Variants in RANBP2 observed in about 807,000 individuals in gnomAD.
The protein encoded by RANBP2 is E3 SUMO-protein ligase RanBP2.
RANBP2 carries 57 observed loss-of-function variants against 303.6 expected under a neutral mutation model. The ratio of observed to expected loss-of-function variants is 0.19; its 90% CI spans 0.15 to 0.23. The LOEUF (loss-of-function observed/expected upper bound fraction) is 0.23. Ranked by LOEUF, RANBP2 falls within the 10% of genes least tolerant of loss-of-function variation. The pLI, the probability that RANBP2 is intolerant of heterozygous loss-of-function variation, is 1.00. For missense variants in RANBP2, 3,138 were observed against 3,780.8 expected (o/e 0.83, Z 4.46); for synonymous variants, 1,167 against 1,301.5 (o/e 0.90, Z 2.23).
chr2:109,184,386 G>A, the RANBP2 span, among the ~76,000 whole-genome samples: 3 of 152,152 alleles, frequency 2.0e-5, no homozygotes, highest in Non-Finnish European at 4.4e-5. Context: ...ATGCAGAAAG[G>A]CAGCTTTTCA....
the RANBP2 span, among the ~76,000 whole-genome samples, chr2:109,400,155 G>A: frequency 2.0e-5 from 3 of 152,158 alleles, no homozygotes; most frequent in Non-Finnish European, 4.4e-5. Context: ...AGCTTCTGGA[G>A]AAGGGCCATG....
At chr2:109,037,521 C>A in the RANBP2 span, among the ~76,000 whole-genome samples, 1 of 151,954 alleles carries the variant, frequency 6.6e-6, no homozygotes, top group African/African-American at 2.4e-5. Context: ...ATAAAACTGC[C>A]CTTATTTGTC....
the RANBP2 span, among the ~76,000 whole-genome samples, chr2:109,186,214 C>A: frequency 6.6e-6 from 1 of 152,242 alleles, no homozygotes. Flanking sequence ...GAAAAGAAGA[C>A]GAAGTGAACT....
chr2:108,940,176 C>T, the RANBP2 span: 2 of 152,248 alleles, frequency 1.3e-5, no homozygotes, highest in Non-Finnish European at 2.9e-5. Flanking sequence ...CAGGCAATGA[C>T]GTGAAGAGGC....
At chr2:109,195,436 T>G in the RANBP2 span, among the ~76,000 whole-genome samples, 9 of 152,260 alleles carry the variant, frequency 5.9e-5, no homozygotes, top group Non-Finnish European at 1.0e-4. Context: ...CACTCATGCC[T>G]GAGTGTCAAC....
At chr2:109,102,392 G>A in the RANBP2 span, among the ~76,000 whole-genome samples, 16 of 150,058 alleles carry the variant, frequency 1.1e-4, no homozygotes, top group Admixed American at 6.0e-4. Context: ...GAGCCACCGC[G>A]CCCGGCTGCC....
At chr2:109,058,305 G>A in the RANBP2 span, among the ~76,000 whole-genome samples, 2 of 152,162 alleles carry the variant, frequency 1.3e-5, no homozygotes, top group South Asian at 2.1e-4. Flanking sequence ...AGCCAGCTAC[G>A]CCTGGACTGG....
At chr2:108,743,068 C>T (rs568232141) in intron 7 of RANBP2, among the ~76,000 whole-genome samples, 152 of 152,274 alleles carry the variant, frequency 1.0e-3, no homozygotes, top group South Asian at 3.1e-3. Context: ...GCATTATAGG[C>T]GTGAGCCACC....
At chr2:109,337,391 T>A in the RANBP2 span, among the ~76,000 whole-genome samples, 1 of 152,238 alleles carries the variant, frequency 6.6e-6, no homozygotes, top group Non-Finnish European at 1.5e-5. Flanking sequence ...CATCCAAGGC[T>A]AGGTCCTCCT....
At chr2:109,373,947 GCTCTCTGTCAT>G in the RANBP2 span, among the ~76,000 whole-genome samples, 1 of 152,108 alleles carries the variant, frequency 6.6e-6, no homozygotes, top group Non-Finnish European at 1.5e-5. Context: ...AGTCCAGCAG[GCTCTCTGTCAT>G]CTCTTCCTGG....
the RANBP2 span, among the ~76,000 whole-genome samples, chr2:108,914,932 A>G: frequency 1.3e-5 from 2 of 152,212 alleles, no homozygotes; most frequent in Non-Finnish European, 2.9e-5. Flanking sequence ...GTTTTGTTTG[A>G]GACAAGGTCT....
chr2:109,562,712 G>A, the RANBP2 span, among the ~76,000 whole-genome samples: 1 of 152,062 alleles, frequency 6.6e-6, no homozygotes, highest in Non-Finnish European at 1.5e-5. Flanking sequence ...GTGCACAGAG[G>A]CCTCTGAAGT....
chr2:109,677,623 C>A, the RANBP2 span, among the ~76,000 whole-genome samples: 1 of 152,190 alleles, frequency 6.6e-6, no homozygotes, highest in African/African-American at 2.4e-5. Flanking sequence ...CAGGCTTTCT[C>A]ACAGCTGGGC....
At chr2:109,620,349 G>A in the RANBP2 span, among the ~76,000 whole-genome samples, 1 of 152,238 alleles carries the variant, frequency 6.6e-6, no homozygotes, top group African/African-American at 2.4e-5. Flanking sequence ...GATAAAATCA[G>A]CTTTATTAGA....
chr2:108,886,735 A>AT, the RANBP2 span, among the ~76,000 whole-genome samples: 114,797 of 149,202 alleles, frequency 0.77, 44,881 homozygotes, highest in East Asian at 0.92. Flanking sequence ...TTTTAATGGG[A>AT]TTTAAAAAAA....
At chr2:109,679,399 A>C in the RANBP2 span, among the ~76,000 whole-genome samples, 2 of 152,250 alleles carry the variant, frequency 1.3e-5, no homozygotes, top group African/African-American at 4.8e-5. Context: ...TGTGGAATCC[A>C]TGACTAATGT....
the RANBP2 span, among the ~76,000 whole-genome samples, chr2:109,656,249 T>G: frequency 6.6e-6 from 1 of 152,188 alleles, no homozygotes; most frequent in African/African-American, 2.4e-5. Context: ...GATAAATGTT[T>G]CTTGAATGAG....
At chr2:109,006,040 T>C in the RANBP2 span, among the ~76,000 whole-genome samples, 5 of 152,160 alleles carry the variant, frequency 3.3e-5, no homozygotes, top group Admixed American at 3.3e-4. Context: ...GTGGCGGTGT[T>C]GCTTCCGTGG....
At chr2:109,371,685 A>G in the RANBP2 span, 1 of 1,612,940 alleles carries the variant, frequency 6.2e-7, no homozygotes, top group Admixed American at 1.7e-5. Context: ...CGTGGAGGTA[A>G]GACCGTGCCG....
Sources: gnomAD v4.1 joint callset for allele counts (sites outside exome capture counted in the v4.1 genomes callset) on GRCh38, gnomAD v4.1.1 for gene constraint, MANE v1.5 for transcripts, NCBI Gene and HGNC (gene_info 2026-07-23, HGNC 2026-07-21) for gene names.